Variants in PPP2R1B observed in about 807,000 individuals in gnomAD.
PPP2R1B encodes serine/threonine-protein phosphatase 2A 65 kDa regulatory subunit A beta isoform.
PPP2R1B carries 58 observed loss-of-function variants against 72.7 expected under a neutral mutation model. The observed-to-expected ratio is 0.80, with a 90% CI of 0.65 to 0.99. PPP2R1B has a LOEUF of 0.99. Ranked by LOEUF, PPP2R1B falls within the 50% of genes least tolerant of loss-of-function variation. The pLI is 0.00. For synonymous variants in PPP2R1B, 256 were observed against 264.6 expected (o/e 0.97, Z 0.32); for missense variants, 695 against 733.6 (o/e 0.95, Z 0.61).
At chr11:111,710,422 T>C in the PPP2R1B span, among the ~76,000 whole-genome samples, 82 of 152,374 alleles carry the variant, frequency 5.4e-4, no homozygotes, top group African/African-American at 1.9e-3. Flanking sequence ...GCCAGTGATA[T>C]TAATATTGGA....
chr11:111,715,079 T>C, the PPP2R1B span, among the ~76,000 whole-genome samples: 3 of 152,130 alleles, frequency 2.0e-5, no homozygotes, highest in Non-Finnish European at 4.4e-5. Context: ...AGGCAGGAAA[T>C]GAATGATTTT....
the PPP2R1B span, among the ~76,000 whole-genome samples, chr11:111,692,983 A>C: frequency 6.6e-6 from 1 of 152,282 alleles, no homozygotes; most frequent in Admixed American, 6.5e-5. Context: ...CATTTTAATA[A>C]ATAACAGAAA....
At chr11:111,757,534 T>C (rs1555050083) in intron 5 of PPP2R1B, among the ~76,000 whole-genome samples, 1 of 152,140 alleles carries the variant, frequency 6.6e-6, no homozygotes, top group Non-Finnish European at 1.5e-5. Context: ...AATACATATT[T>C]GTTAAAAAAT....
rs1555049120 is a variant in PPP2R1B, at chr11:111,754,989, T to G, written c.949A>C (p.Lys317Gln). Residue 317 changes from lysine (K) to glutamine (Q), a missense_variant, in exon 7 of 15, where the codon AAA becomes CAA. Physicochemically the swap from Lys to Gln is moderately conservative, Grantham distance 53. Transcript: ENST00000527614. ...AATTGAACTCCTTAACCTTTTACTT[T>G]GTGGGCAGCAGCTGCCCGGACTTCA... ...EAEVRAAAAH[K>Q]VKELGENLPI... 6.2e-7 allele frequency: 1 copy of G among 1,609,864 alleles called. No homozygotes were observed. The highest frequency in any genetic ancestry group is 1.7e-5 in the Admixed American group (1 of 59,658).
chr11:111,714,441 A>T, the PPP2R1B span, among the ~76,000 whole-genome samples: 1 of 152,260 alleles, frequency 6.6e-6, no homozygotes, highest in Admixed American at 6.5e-5. Context: ...CATGTTGCAC[A>T]TCAGAAAGTT....
downstream of PPP2R1B, among the ~76,000 whole-genome samples, chr11:111,734,379 A>C (rs547767424): frequency 6.6e-6 from 1 of 152,216 alleles, no homozygotes; most frequent in Non-Finnish European, 1.5e-5. Flanking sequence ...TACCACAAAC[A>C]TAAGAACATC....
intron 5 of PPP2R1B, among the ~76,000 whole-genome samples, chr11:111,757,749 C>T (rs1232547255): frequency 6.6e-6 from 1 of 151,020 alleles, no homozygotes; most frequent in Non-Finnish European, 1.5e-5. Context: ...GCAGGAGAAT[C>T]ACTTGAACCC....
chr11:111,766,293 G>A lies in PPP2R1B; in HGVS notation c.69C>T (p.Tyr23=), dbSNP rs565819626. ...GCTCGTCGATTAAAACCGCGATCGG[G>A]TATAGCGAATCATCTCCATCTCCAC... ...AAGGDGDDSL[Y]PIAVLIDELR... is the part of the protein sequence containing the mutation. Residue 23 remains tyrosine, a synonymous_variant, in exon 1 of 15, where the codon TAC becomes TAT. Transcript: ENST00000527614. The A allele has an allele frequency of 1.3e-6, 2 of 1,591,892 alleles. No homozygotes were observed. The highest frequency in any genetic ancestry group is 1.7e-6 in the Non-Finnish European group (2 of 1,170,984).
chr11:111,706,240 T>C, the PPP2R1B span, among the ~76,000 whole-genome samples: 1 of 152,238 alleles, frequency 6.6e-6, no homozygotes, highest in South Asian at 2.1e-4. Flanking sequence ...TAAGTACTTG[T>C]TATATAAAGT....
intron 5 of PPP2R1B, among the ~76,000 whole-genome samples, chr11:111,758,712 G>A (rs1945219866): frequency 6.6e-6 from 1 of 152,140 alleles, no homozygotes; most frequent in Non-Finnish European, 1.5e-5. Context: ...GAGAGATTGT[G>A]TTTGAAAGGG....
chr11:111,695,516 C>T, the PPP2R1B span, among the ~76,000 whole-genome samples: 1 of 152,160 alleles, frequency 6.6e-6, no homozygotes, highest in Non-Finnish European at 1.5e-5. Flanking sequence ...TCTTTTGCAA[C>T]AGTAAACATT....
At chr11:111,700,189 T>C in the PPP2R1B span, among the ~76,000 whole-genome samples, 21 of 152,322 alleles carry the variant, frequency 1.4e-4, no homozygotes, top group African/African-American at 4.8e-4. Context: ...ATCAAAACTG[T>C]AGAGTCAGTA....
chr11:111,713,530 A>C, the PPP2R1B span, among the ~76,000 whole-genome samples: 1 of 152,216 alleles, frequency 6.6e-6, no homozygotes, highest in African/African-American at 2.4e-5. Flanking sequence ...GATAATAAAT[A>C]ATGGTTTCCT....
At chr11:111,729,549 G>A (rs559498931) in intron 15 of PPP2R1B, 2 of 152,228 alleles carry the variant, frequency 1.3e-5, no homozygotes, top group Admixed American at 6.5e-5. Flanking sequence ...GCTGGGACAC[G>A]CGCTTGGGTT....
At chr11:111,729,209 T>C (rs943642548) in intron 15 of PPP2R1B, 4 of 152,280 alleles carry the variant, frequency 2.6e-5, no homozygotes, top group African/African-American at 9.6e-5. Flanking sequence ...ACCCCCACCT[T>C]GTGTCCACAT....
chr11:111,721,780 G>C, the PPP2R1B span: 1 of 1,463,566 alleles, frequency 6.8e-7, no homozygotes, highest in Non-Finnish European at 9.3e-7. Context: ...GAACTGAGAC[G>C]TTTTTCCCCA....
chr11:111,694,430 G>C, the PPP2R1B span, among the ~76,000 whole-genome samples: 317 of 152,190 alleles, frequency 2.1e-3, 1 homozygote, highest in African/African-American at 7.1e-3. Context: ...TTTAGCCCAA[G>C]AGGAATGCTT....
At chr11:111,720,526 C>CT in the PPP2R1B span, 2 of 1,613,394 alleles carry the variant, frequency 1.2e-6, no homozygotes, top group Admixed American at 1.7e-5. Context: ...AGTGTGGACT[C>CT]TGAGTATGAT....
At chr11:111,689,103 G>A in the PPP2R1B span, among the ~76,000 whole-genome samples, 2 of 152,204 alleles carry the variant, frequency 1.3e-5, no homozygotes, top group Non-Finnish European at 2.9e-5. Flanking sequence ...CAGGCAGGTA[G>A]ACAGAGATTG....
Sources: gnomAD v4.1 joint callset for allele counts (sites outside exome capture counted in the v4.1 genomes callset) on GRCh38, gnomAD v4.1.1 for gene constraint, MANE v1.5 for transcripts, NCBI Gene and HGNC (gene_info 2026-07-23, HGNC 2026-07-21) for gene names.